The following AQR variants were observed in gnomAD, a reference collection of about 807,000 sequenced individuals.
AQR encodes the protein RNA helicase aquarius.
In AQR, 61 loss-of-function variants were observed where a neutral mutation model predicts 180.5. That is an observed-to-expected ratio of 0.34 (90% CI 0.28 to 0.42). The LOEUF is 0.42. AQR is among the 10% of genes least tolerant of loss of function. The probability of loss-of-function intolerance (pLI) is 1.00; values close to 1 mark genes in which losing one functional copy is unlikely to be tolerated. For missense variants in AQR, 1,281 were observed against 1,798.3 expected, an observed-to-expected ratio of 0.71 and a Z score of 5.20; for synonymous variants, 551 against 588.8, an observed-to-expected ratio of 0.94 and a Z score of 0.93.
chr15:34,932,070 G>A (rs1433844513), intron 11 of AQR, among the ~76,000 whole-genome samples: 4 of 152,090 alleles, frequency 2.6e-5, no homozygotes, highest in Non-Finnish European at 5.9e-5. Flanking sequence ...ATCAAAACTT[G>A]TGAACATGTG....
Position 34,949,616 on chromosome 15 carries a change from A to G in AQR, c.210-1232T>C, listed in dbSNP as rs868108084. ...GTGAGACTCCGTCACAAAAAAAAAA[A>G]AAAAAAAAAAAGGAAAACCCAAAAA... On this transcript the variant is annotated intron_variant, in intron 4 of 34. Coordinates refer to ENST00000156471, the MANE Select transcript of AQR (RefSeq NM_014691.3). 5.8e-3 allele frequency among the ~76,000 whole-genome samples: 874 copies of G among 150,046 alleles called. 15 individuals are homozygous for G. Among genetic ancestry groups the G allele is most frequent in the Middle Eastern group, 0.024 (7 of 288 alleles).
chr15:34,967,485 T>A (rs16960207), intron 1 of AQR, among the ~76,000 whole-genome samples: 7,767 of 152,178 alleles, frequency 0.051, 282 homozygotes, highest in African/African-American at 0.1. Flanking sequence ...ACTGCAAAAA[T>A]GCAGGTATAT....
chr15:34,895,261 A>T (rs1253237552), intron 22 of AQR, among the ~76,000 whole-genome samples: 1 of 140,766 alleles, frequency 7.1e-6, no homozygotes, highest in African/African-American at 2.6e-5. Flanking sequence ...TATTCAAATA[A>T]CACAACGGAA....
At chr15:34,878,512 C>T (rs567424797) in intron 27 of AQR, among the ~76,000 whole-genome samples, 3 of 151,592 alleles carry the variant, frequency 2.0e-5, no homozygotes, top group East Asian at 3.9e-4. Context: ...ACATAGCTGA[C>T]GCTCAACAAA....
At chr15:34,903,784 T>C (rs1278603115) in intron 19 of AQR, among the ~76,000 whole-genome samples, 1 of 152,168 alleles carries the variant, frequency 6.6e-6, no homozygotes, top group Non-Finnish European at 1.5e-5. Context: ...TTTCAAATAA[T>C]GGTTTTTAAA....
Position 34,856,689 on chromosome 15 carries a change from A to T in AQR, c.*103T>A. ...TTAACAAATATAAGAACTAAACATT[A>T]ATTAGTGACAGTAAAATGGCAGAAG... On this transcript the variant is annotated 3_prime_UTR_variant, in exon 35 of 35. Transcript: ENST00000156471. 1.0e-6 allele frequency: 1 copy of T among 956,284 alleles called. No individual in the cohort carries two copies. The highest frequency in any genetic ancestry group is 1.5e-6 in the Non-Finnish European group (1 of 672,968). 59.2% of individuals were successfully genotyped at this position (956,284 alleles called of 1,614,324 possible). A position where few individuals can be genotyped will look rare whatever the true frequency, so the allele number is the denominator to read the frequency against.
intron 5 of AQR, among the ~76,000 whole-genome samples, chr15:34,946,363 T>A (rs1595806747): frequency 6.6e-6 from 1 of 151,846 alleles, no homozygotes. Flanking sequence ...ACTACAAATA[T>A]AAACTCCCTC....
chr15:34,871,072 T>C (rs1227429422), intron 30 of AQR, 150 bp from the exon 31 acceptor site: 3 of 649,918 alleles, frequency 4.6e-6, no homozygotes, highest in Non-Finnish European at 2.6e-6. Flanking sequence ...GTACCTTTCA[T>C]AAAACTGAGG....
In AQR at chr15:34,969,703, G is replaced by T; in HGVS notation, c.-90C>A. The T allele has an allele frequency of 7.4e-7, 1 of 1,344,786 alleles. No homozygotes were observed. The highest frequency in any genetic ancestry group is 1.0e-6 in the Non-Finnish European group (1 of 989,352). 83.3% of individuals were successfully genotyped at this position (1,344,786 alleles called of 1,614,324 possible). On this transcript the variant is annotated 5_prime_UTR_variant, in exon 1 of 35. Transcript: ENST00000156471. ...TCCACTTCCCTTAAGTTACTGCCGG[G>T]GCGCTTAACTCCGCGCCGCACAAAC...
At chr15:34,858,830 A>C (rs757495272) in intron 34 of AQR, among the ~76,000 whole-genome samples, 2 of 152,258 alleles carry the variant, frequency 1.3e-5, no homozygotes, top group Non-Finnish European at 2.9e-5. Flanking sequence ...GCAAGTCAAC[A>C]AAGAAAAAAA....
At chr15:34,927,183 T>A (rs1280880818) in intron 12 of AQR, 45 bp from the exon 13 acceptor site, 1 of 1,143,572 alleles carries the variant, frequency 8.7e-7, no homozygotes, top group African/African-American at 1.6e-5. Flanking sequence ...TGTCTACATA[T>A]TAATATAAAC....
chr15:34,857,530 A>T (rs532890003), intron 34 of AQR, among the ~76,000 whole-genome samples: 10 of 152,216 alleles, frequency 6.6e-5, no homozygotes, highest in Admixed American at 3.3e-4. Flanking sequence ...CAGGCGGATC[A>T]CTTGAGGCCA....
intron 19 of AQR, among the ~76,000 whole-genome samples, chr15:34,901,478 G>T (rs988169578): frequency 2.6e-5 from 4 of 152,180 alleles, no homozygotes; most frequent in African/African-American, 9.6e-5. Flanking sequence ...ATAGTAGTTA[G>T]CATATATGCT....
intron 16 of AQR, among the ~76,000 whole-genome samples, chr15:34,913,356 T>C (rs1365038174): frequency 8.5e-5 from 13 of 152,306 alleles, no homozygotes; most frequent in South Asian, 2.1e-4. Context: ...AACATAATCA[T>C]TGGAACCATG....
intron 3 of AQR, among the ~76,000 whole-genome samples, chr15:34,957,708 A>G (rs1395309599): frequency 1.8e-5 from 2 of 109,874 alleles, no homozygotes; most frequent in Non-Finnish European, 4.3e-5. Flanking sequence ...TCTCAAAAAA[A>G]CATAAAAAAA....
intron 12 of AQR, among the ~76,000 whole-genome samples, chr15:34,928,216 C>T (rs1206382114): frequency 6.6e-6 from 1 of 151,614 alleles, no homozygotes; most frequent in Non-Finnish European, 1.5e-5. Context: ...ACTTTTTACA[C>T]CATTATTTAT....
chr15:34,901,820 C>T (rs369465469), intron 19 of AQR, among the ~76,000 whole-genome samples: 13 of 152,088 alleles, frequency 8.5e-5, no homozygotes, highest in East Asian at 7.7e-4. Flanking sequence ...AAATATAATT[C>T]CCACAAGAGT....
Position 34,857,107 on chromosome 15 carries a change from C to T in AQR, c.4144-1G>A. 1.3e-6 allele frequency: 2 copies of T among 1,511,600 alleles called. No individual in the cohort carries two copies. The highest frequency in any genetic ancestry group is 1.8e-6 in the Non-Finnish European group (2 of 1,132,412). 93.6% of individuals were successfully genotyped at this position (1,511,600 alleles called of 1,614,324 possible). A position where few individuals can be genotyped will look rare whatever the true frequency, so the allele number is the denominator to read the frequency against. On this transcript the variant is annotated splice_acceptor_variant, in intron 34 of 34. Coordinates refer to ENST00000156471, the MANE Select transcript of AQR (RefSeq NM_014691.3). LOFTEE classifies it high-confidence loss of function. ...TAGCAGGTGGTAGTTGTAATAAAGTCTAATTAAAAAAAAAAAAACAAAGAC... is the reference window on the plus strand; with the variant it reads ...TAGCAGGTGGTAGTTGTAATAAAGTTTAATTAAAAAAAAAAAAACAAAGAC...
chr15:34,922,214 C>A (rs950928590), intron 13 of AQR, among the ~76,000 whole-genome samples: 1 of 152,150 alleles, frequency 6.6e-6, no homozygotes, highest in Non-Finnish European at 1.5e-5. Flanking sequence ...GGTTCCTTTA[C>A]GTTGCTGAGC....
Sources: gnomAD v4.1 joint callset for allele counts (sites outside exome capture counted in the v4.1 genomes callset) on GRCh38, gnomAD v4.1.1 for gene constraint, MANE v1.5 for transcripts, NCBI Gene and HGNC (gene_info 2026-07-23, HGNC 2026-07-21) for gene names.